GRM8: variants seen among roughly 807,000 people sequenced by gnomAD.
GRM8 encodes the protein glutamate metabotropic receptor 8.
Under a neutral mutation model 87.2 loss-of-function variants are expected in GRM8, and 47 were observed. That is an observed-to-expected ratio of 0.54 (90% CI 0.43 to 0.69). The LOEUF (loss-of-function observed/expected upper bound fraction) is 0.69, where lower values mean the gene tolerates loss of function less well. GRM8 is among the 30% of genes least tolerant of loss of function. The pLI is 0.00. For synonymous variants in GRM8, 396 were observed against 404.5 expected, an observed-to-expected ratio of 0.98 and a Z score of 0.25; for missense variants, 1,019 against 1,139.2, an observed-to-expected ratio of 0.89 and a Z score of 1.52.
In GRM8 at chr7:126,555,253, T is replaced by C. The variant is rs796316637; in HGVS notation, c.1495-21366A>G. On this transcript the variant is annotated intron_variant, in intron 8 of 10. Transcript: ENST00000339582. ...TCCCATGACACGGTACTAAGTTAGG[T>C]TGCAGAGTGCTCATAGCTGGATGTG... 1.8e-4 allele frequency among the ~76,000 whole-genome samples: 27 copies of C among 152,336 alleles called. 1 individual carries two copies. Among genetic ancestry groups the C allele is most frequent in the African/African-American group, 6.5e-4 (27 of 41,570 alleles).
At chr7:126,907,042 A>G (rs1192031717) in intron 3 of GRM8, among the ~76,000 whole-genome samples, 2 of 152,124 alleles carry the variant, frequency 1.3e-5, no homozygotes, top group Non-Finnish European at 2.9e-5. Context: ...GCTTAATGCA[A>G]ACTAAAAAGA....
intron 2 of GRM8, among the ~76,000 whole-genome samples, chr7:127,172,269 G>T (rs1793847774): frequency 6.6e-6 from 1 of 151,782 alleles, no homozygotes; most frequent in Non-Finnish European, 1.5e-5. Context: ...ACCAATAATT[G>T]GTTCTTTCCC....
chr7:126,609,293 T>C, intron 8 of GRM8, 69 bp downstream of exon 8: 1 of 1,183,496 alleles, frequency 8.4e-7, no homozygotes. Flanking sequence ...GCAAAAGTTA[T>C]ACACTTAAAA....
At chr7:126,715,840 C>T (rs1211230296) in intron 7 of GRM8, among the ~76,000 whole-genome samples, 5 of 152,114 alleles carry the variant, frequency 3.3e-5, no homozygotes, top group African/African-American at 1.2e-4. Context: ...TTCAAATACC[C>T]TTTCTATCAC....
At chr7:126,477,622 A>AAC (rs1806141496) in intron 9 of GRM8, among the ~76,000 whole-genome samples, 1 of 144,006 alleles carries the variant, frequency 6.9e-6, no homozygotes, top group East Asian at 2.1e-4. Context: ...AAAGAAAGAA[A>AAC]GAAAGAAAGA....
rs187034818 is a variant in GRM8, at chr7:127,152,392, C to T, written c.511-45680G>A. ...AACAGGCAAAAGTGGCAAGACAGGG[C>T]AGAGAAGGTGAAGGTAGCAAAGTGA... On this transcript the variant is annotated intron_variant, in intron 2 of 10. Coordinates refer to ENST00000339582, the MANE Select transcript of GRM8 (RefSeq NM_000845.3). 4.6e-5 allele frequency among the ~76,000 whole-genome samples: 7 copies of T among 152,102 alleles called. No individual in the cohort carries two copies. In the East Asian group the frequency reaches 1.4e-3, roughly 29 times the overall value.
intron 7 of GRM8, among the ~76,000 whole-genome samples, chr7:126,657,437 T>A (rs4380862): frequency 1.3e-3 from 194 of 151,680 alleles, no homozygotes; most frequent in African/African-American, 4.6e-3. Flanking sequence ...AAAAGTCACA[T>A]ACAATTCCAA....
At chr7:126,948,956 G>A (rs1807846432) in intron 3 of GRM8, among the ~76,000 whole-genome samples, 1 of 152,216 alleles carries the variant, frequency 6.6e-6, no homozygotes, top group African/African-American at 2.4e-5. Context: ...ACAGATATAG[G>A]TTAAATTTCA....
intron 2 of GRM8, among the ~76,000 whole-genome samples, chr7:127,225,485 G>GA (rs11325479): frequency 0.15 from 20,834 of 143,226 alleles, 1,589 homozygotes; most frequent in African/African-American, 0.21. Flanking sequence ...CTATCTGCTG[G>GA]AAAAAAAAAA....
At chr7:126,726,221 T>TA (rs34547396) in intron 7 of GRM8, among the ~76,000 whole-genome samples, 31 of 148,274 alleles carry the variant, frequency 2.1e-4, no homozygotes, top group East Asian at 2.0e-4. Flanking sequence ...TGGATCAGGT[T>TA]AAAAAAAAAA....
intron 3 of GRM8, among the ~76,000 whole-genome samples, chr7:126,938,735 T>A (rs958817274): frequency 6.6e-6 from 1 of 152,144 alleles, no homozygotes; most frequent in African/African-American, 2.4e-5. Context: ...TAGTAAAATA[T>A]CACTTGATCA....
intron 3 of GRM8, among the ~76,000 whole-genome samples, chr7:126,928,671 C>CAAAA (rs57576564): frequency 1.0e-5 from 1 of 98,570 alleles, no homozygotes. Context: ...GACCCTGCCT[C>CAAAA]AAAAAAAAAA....
intron 2 of GRM8, among the ~76,000 whole-genome samples, chr7:127,115,122 C>T (rs918149438): frequency 2.0e-5 from 3 of 152,168 alleles, no homozygotes; most frequent in Admixed American, 6.5e-5. Flanking sequence ...ACCTCTCCCT[C>T]ATACACACCT....
intron 2 of GRM8, among the ~76,000 whole-genome samples, chr7:127,135,253 G>A (rs534927823): frequency 6.6e-6 from 1 of 152,026 alleles, no homozygotes; most frequent in South Asian, 2.1e-4. Context: ...TGAAATCTAA[G>A]AATGCCCATT....
At chr7:126,766,145 C>A (rs1818170350) in intron 7 of GRM8, among the ~76,000 whole-genome samples, 1 of 152,080 alleles carries the variant, frequency 6.6e-6, no homozygotes, top group Non-Finnish European at 1.5e-5. Flanking sequence ...CAATCTTTTA[C>A]ATATCTTTAA....
intron 2 of GRM8, among the ~76,000 whole-genome samples, chr7:127,111,719 G>A (rs1338759264): frequency 6.6e-6 from 1 of 152,098 alleles, no homozygotes; most frequent in East Asian, 1.9e-4. Flanking sequence ...CAAGAAAACT[G>A]GTATTTTACA....
chr7:126,870,152 A>C (rs927527470), intron 6 of GRM8: 1 of 152,022 alleles, frequency 6.6e-6, no homozygotes, highest in Non-Finnish European at 1.5e-5. Flanking sequence ...TCTGCTAGTT[A>C]TTTTCTTCGG....
chr7:126,942,880 G>C (rs1192006086), intron 3 of GRM8, among the ~76,000 whole-genome samples: 1 of 152,140 alleles, frequency 6.6e-6, no homozygotes, highest in Non-Finnish European at 1.5e-5. Context: ...GGTGAAGGGG[G>C]ATATGTCCAT....
At chr7:126,723,943 T>C (rs1275126438) in intron 7 of GRM8, among the ~76,000 whole-genome samples, 1 of 152,170 alleles carries the variant, frequency 6.6e-6, no homozygotes, top group Non-Finnish European at 1.5e-5. Context: ...CCTATGCATA[T>C]GATGCACTCC....
Sources: allele counts gnomAD v4.1 joint callset (sites outside exome capture counted in the v4.1 genomes callset), GRCh38; gene constraint gnomAD v4.1.1; transcripts MANE v1.5; gene names NCBI Gene and HGNC (gene_info 2026-07-23, HGNC 2026-07-21).